USP1: variants seen among roughly 807,000 people sequenced by gnomAD.
USP1 encodes ubiquitin carboxyl-terminal hydrolase 1.
Under a neutral mutation model 72.2 loss-of-function variants are expected in USP1, and 18 were observed. The observed-to-expected ratio is 0.25, with a 90% CI of 0.17 to 0.37. USP1 has a LOEUF of 0.37. Ranked by LOEUF, USP1 falls within the 10% of genes least tolerant of loss-of-function variation. The pLI is 1.00. For missense variants in USP1, 759 were observed against 884.9 expected (o/e 0.86, Z 1.81); for synonymous variants, 354 against 303.7 (o/e 1.17, Z -1.72).
chr1:62,445,478 G>A, intron 6 of USP1, 49 bp downstream of exon 6: 1 of 1,434,598 alleles, frequency 7.0e-7, no homozygotes, highest in Non-Finnish European at 9.2e-7. Context: ...AGCAGCTACA[G>A]AATTAGAATT....
chr1:62,438,007 T>G (rs1208863600), intron 1 of USP1, among the ~76,000 whole-genome samples: 8 of 152,086 alleles, frequency 5.3e-5, no homozygotes, highest in Non-Finnish European at 1.2e-4. Context: ...AAAGTTGATT[T>G]AGTTACAGGA....
chr1:62,440,363 TTATATATA>T (rs150171344), intron 2 of USP1, among the ~76,000 whole-genome samples: 101 of 148,766 alleles, frequency 6.8e-4, no homozygotes, highest in Admixed American at 2.6e-3. Flanking sequence ...GTAAAAGGTT[TTATATATA>T]TATATATATA....
In USP1 at chr1:62,442,290, A is replaced by G; in HGVS notation, c.387A>G (p.Gln129=). Reference sequence around the variant, plus strand: ...AAGCTCTAAAGGATGAAGCCAATCAAAAAGACAAGGTAAGAAAAATAAAGA... The same window carrying G: ...AAGCTCTAAAGGATGAAGCCAATCAGAAAGACAAGGTAAGAAAAATAAAGA... The part of the protein sequence containing the change: ...KKEALKDEAN[Q]KDKGNCKEDS... Residue 129 remains glutamine (Q), a synonymous_variant, in exon 4 of 9, where the codon CAA becomes CAG. Transcript: ENST00000339950. 2 of 1,587,900 alleles carry G rather than the reference A, an allele frequency of 1.3e-6. No individual in the cohort carries two copies. Among genetic ancestry groups the G allele is most frequent in the Non-Finnish European group, 1.7e-6 (2 of 1,165,492 alleles).
Position 62,445,394 on chromosome 1 carries a change from C to T in USP1, c.1214C>T (p.Pro405Leu), listed in dbSNP as rs1224916317. 1.3e-6 allele frequency: 2 copies of T among 1,584,642 alleles called. No homozygotes were observed. Among genetic ancestry groups the T allele is most frequent in the Admixed American group, 1.9e-5 (1 of 52,996 alleles). ...GLESPGNTVT[P>L]VNVNEVKPIN... Reference sequence around the variant, plus strand: ...GAATCTCCAGGAAATACTGTTACACCTGTAAATGTTAATGAAGTTAAACCC... The same window carrying T: ...GAATCTCCAGGAAATACTGTTACACTTGTAAATGTTAATGAAGTTAAACCC... The change falls in exon 6 of 9, where the codon CCT becomes CTT. Residue 405 changes from proline (P) to leucine (L), a missense_variant. Pro to Leu is a moderately conservative substitution (Grantham distance 98). Transcript: ENST00000339950.
At position 62,443,331 on chromosome 1, in the gene USP1, A is replaced by G; in HGVS notation, c.557+12A>G. ...CTTAACACACTGAGGTATAGCCTAT[A>G]ATATAATTTTAGGGTTTCAATTTAG... is the stretch of plus-strand genomic sequence containing the variant. On this transcript the variant is annotated intron_variant, in intron 5 of 8. Coordinates refer to ENST00000339950, the MANE Select transcript of USP1 (RefSeq NM_003368.5). The G allele has an allele frequency of 6.3e-7, 1 of 1,578,716 alleles. No individual in the cohort carries two copies. The highest frequency in any genetic ancestry group is 8.6e-7 in the Non-Finnish European group (1 of 1,168,598).
At chr1:62,437,035 G>A (rs901689437), upstream of USP1, 6 of 398,446 alleles carry the variant, frequency 1.5e-5, no homozygotes, top group African/African-American at 1.2e-4. Flanking sequence ...AAACACGGGG[G>A]TCCTGAGACT....
Position 62,445,039 on chromosome 1 carries a change from T to G in USP1, c.859T>G (p.Ser287Ala), listed in dbSNP as rs776525311. 3 of 1,613,020 alleles carry G rather than the reference T, an allele frequency of 1.9e-6. No homozygotes were observed. Among genetic ancestry groups the G allele is most frequent in the Non-Finnish European group, 8.5e-7 (1 of 1,179,796 alleles). The change falls in exon 6 of 9, where the codon TCC becomes GCC. Residue 287 changes from serine (S) to alanine (A), a missense_variant. Transcript: ENST00000339950. ...TAACATGAAGAAAAAAGTTAAATTATCCAAGGAACACCAGTCATTGGAAGA... is the reference window on the plus strand; with the variant it reads ...TAACATGAAGAAAAAAGTTAAATTAGCCAAGGAACACCAGTCATTGGAAGA... ...FGNMKKKVKLSKEHQSLEENQ... is the reference protein window; with the variant it reads ...FGNMKKKVKLAKEHQSLEENQ...
In USP1 at chr1:62,442,191, A is replaced by G. The variant is rs762762173; in HGVS notation, c.292-4A>G. On this transcript the variant is annotated splice_polypyrimidine_tract_variant and splice_region_variant and intron_variant, in intron 3 of 8. Coordinates refer to ENST00000339950, the MANE Select transcript of USP1 (RefSeq NM_003368.5). Reference sequence around the variant, plus strand: ...AACACTTAAGACAATCTCACTTTTTATAGGTATTATATTTTTGTCCCGGTT... The same window carrying G: ...AACACTTAAGACAATCTCACTTTTTGTAGGTATTATATTTTTGTCCCGGTT... The G allele has an allele frequency of 6.5e-7, 1 of 1,532,906 alleles. No individual in the cohort carries two copies. Among genetic ancestry groups the G allele is most frequent in the African/African-American group, 1.4e-5 (1 of 72,542 alleles). The allele number at this position is 1,532,906 out of a possible 1,614,324, so 95.0% of individuals were successfully genotyped here. A position where few individuals can be genotyped will look rare whatever the true frequency, so the allele number is the denominator to read the frequency against.
intron 1 of USP1, among the ~76,000 whole-genome samples, chr1:62,439,330 G>A (rs941199994): frequency 2.0e-5 from 3 of 152,054 alleles, no homozygotes; most frequent in Non-Finnish European, 2.9e-5. Context: ...GATTACAGGC[G>A]CCCGCCAGCA....
intron 4 of USP1, among the ~76,000 whole-genome samples, chr1:62,442,523 T>TTGTATACTATATATTAC (rs1553145002): frequency 6.6e-6 from 1 of 152,224 alleles, no homozygotes; most frequent in Non-Finnish European, 1.5e-5. Context: ...CTTTTGTTAC[T>TTGTATACTATATATTAC]TGTATACTAT....
In USP1 at chr1:62,447,501, G is replaced by C. The variant is rs762173541; in HGVS notation, c.1410G>C (p.Glu470Asp). 6 of 1,612,386 alleles carry C rather than the reference G, an allele frequency of 3.7e-6. No individual in the cohort carries two copies. The highest frequency in any genetic ancestry group is 2.2e-5 in the South Asian group (2 of 90,732). Residue 470 changes from glutamate to aspartate, a missense_variant, in exon 7 of 9, where the codon GAG (glutamate) becomes GAC (aspartate). Around this residue, in one of 9 missense-constraint regions of USP1, gnomAD observed 140 missense variants for 222.8 expected, o/e 0.63. Coordinates refer to ENST00000339950, the MANE Select transcript of USP1 (RefSeq NM_003368.5). ...VQEDELSKVEESSEISPEPKT... is the reference protein window; with the variant it reads ...VQEDELSKVEDSSEISPEPKT... ...AAGATGAGCTTTCCAAAGTAGAGGA[G>C]AGTTCTGAAAGTAAGCAAAATTGGA...
chr1:62,445,142 A>G lies in USP1; in HGVS notation c.962A>G (p.Tyr321Cys), dbSNP rs772351967. 7.4e-6 allele frequency: 12 copies of G among 1,613,530 alleles called. No individual in the cohort carries two copies. The Admixed American group carries it at 8.3e-5, about 11-fold the overall frequency. The stretch of plus-strand genomic sequence containing the variant: ...AGTCCTCCTAAAATAATTCCCAAGT[A>G]TATTTCTGAAAATGAGAGTCCAAGA... Reference protein sequence around the residue: ...LESPPKIIPKYISENESPRPS... With the variant: ...LESPPKIIPKCISENESPRPS... The change falls in exon 6 of 9, where the codon TAT (tyrosine) becomes TGT (cysteine). Residue 321 changes from tyrosine to cysteine, a missense_variant. By Grantham distance (194) the Tyr-to-Cys change is radical. Transcript: ENST00000339950.
chr1:62,443,469 T>C (rs973304154), intron 5 of USP1, 150 bp downstream of exon 5: 1 of 799,714 alleles, frequency 1.3e-6, no homozygotes, highest in South Asian at 3.5e-5. Context: ...CTCTGAATAC[T>C]GGAAATTTTT....
Position 62,450,336 on chromosome 1 carries a change from A to T in USP1, c.1713A>T (p.Pro571=), listed in dbSNP as rs376006944. Residue 571 remains proline (P), a synonymous_variant, in exon 9 of 9, where the codon CCA becomes CCT. Coordinates refer to ENST00000339950, the MANE Select transcript of USP1 (RefSeq NM_003368.5). The stretch of plus-strand genomic sequence containing the variant: ...CACTAGAAGAATGGAGCACAAAGCC[A>T]ACTAACGACAGCTATGGATTATTTG... The part of the protein sequence containing the change: ...KLSLEEWSTK[P]TNDSYGLFAV... 2.8e-4 allele frequency: 460 copies of T among 1,614,062 alleles called. No homozygotes were observed. Among genetic ancestry groups the T allele is most frequent in the Non-Finnish European group, 1.4e-5 (17 of 1,180,034 alleles).
In USP1 at chr1:62,445,328, G is replaced by T. The variant is rs1198112814; in HGVS notation, c.1148G>T (p.Gly383Val). 1 of 1,613,444 alleles carries T rather than the reference G, an allele frequency of 6.2e-7. No homozygotes were observed. Among genetic ancestry groups the T allele is most frequent in the Admixed American group, 1.7e-5 (1 of 59,908 alleles). Reference protein sequence around the residue: ...ENECDPEEDLGKCESDNTTNG... With the variant: ...ENECDPEEDLVKCESDNTTNG... ...GAATGTGATCCTGAAGAGGACTTGGGGAAGTGTGAAAGTGATAACACAACT... is the reference window on the plus strand; with the variant it reads ...GAATGTGATCCTGAAGAGGACTTGGTGAAGTGTGAAAGTGATAACACAACT... Residue 383 changes from glycine (G) to valine (V), a missense_variant, in exon 6 of 9, where the codon GGG (glycine) becomes GTG (valine). By Grantham distance (109) the Gly-to-Val change is moderately radical (BLOSUM62 -3). Around this residue, in one of 9 missense-constraint regions of USP1, gnomAD observed 245 missense variants for 240.7 expected, o/e 1.02. Coordinates refer to ENST00000339950, the MANE Select transcript of USP1 (RefSeq NM_003368.5).
Position 62,442,317 on chromosome 1 carries a change from C to A in USP1, c.396+18C>A. 1 of 1,538,396 alleles carries A rather than the reference C, an allele frequency of 6.5e-7. No homozygotes were observed. The highest frequency in any genetic ancestry group is 8.8e-7 in the Non-Finnish European group (1 of 1,131,018). On this transcript the variant is annotated intron_variant, in intron 4 of 8. Coordinates refer to ENST00000339950, the MANE Select transcript of USP1 (RefSeq NM_003368.5). ...AAGACAAGGTAAGAAAAATAAAGAA[C>A]AGAAAATAATGTAAAAAGCAAAAGT...
In USP1 at chr1:62,451,398, TTTAG is replaced by T. The variant is rs1478598120; in HGVS notation, c.*420_*423del. Reference sequence around the variant, plus strand: ...AAGAAGCAGAATCTCATTCAGTACATTTAGTTTTATAAGAGTCATGAAGCTAAAT... The same window carrying T: ...AAGAAGCAGAATCTCATTCAGTACATTTTTATAAGAGTCATGAAGCTAAAT... On this transcript the variant is annotated 3_prime_UTR_variant, in exon 9 of 9. Transcript: ENST00000339950. 1 of 156,062 alleles carries T rather than the reference TTTAG, an allele frequency of 6.4e-6. No individual in the cohort carries two copies. The highest frequency in any genetic ancestry group is 1.4e-5 in the Non-Finnish European group (1 of 70,562). 9.7% of individuals were successfully genotyped at this position (156,062 alleles called of 1,614,324 possible). A position where few individuals can be genotyped will look rare whatever the true frequency, so the allele number is the denominator to read the frequency against.
intron 2 of USP1, 23 bp from the exon 3 acceptor site, chr1:62,441,465 G>T: frequency 6.4e-7 from 1 of 1,566,936 alleles, no homozygotes; most frequent in Non-Finnish European, 8.6e-7. Context: ...ACTACTTATC[G>T]TTCTCCCTTC....
At chr1:62,447,935 C>T (rs980771709) in intron 7 of USP1, among the ~76,000 whole-genome samples, 3 of 152,020 alleles carry the variant, frequency 2.0e-5, no homozygotes, top group Admixed American at 1.3e-4. Context: ...TGCAGGTGCC[C>T]ACCACCACGC....
Sources: gnomAD v4.1 joint callset for allele counts (sites outside exome capture counted in the v4.1 genomes callset) on GRCh38, gnomAD v4.1.1 for gene constraint, gnomAD v4.1.1 regional missense constraint, MANE v1.5 for transcripts, NCBI Gene and HGNC (gene_info 2026-07-23, HGNC 2026-07-21) for gene names.